Variants in TOX observed in about 807,000 individuals in gnomAD.
The protein encoded by TOX is thymocyte selection associated high mobility group box.
TOX carries 11 observed loss-of-function variants against 53.7 expected under a neutral mutation model. The ratio of observed to expected loss-of-function variants is 0.20; its 90% CI spans 0.13 to 0.34. The LOEUF is 0.34. Among genes scored for constraint, TOX ranks in the 10% least tolerant of loss-of-function variants. The pLI is 1.00. For synonymous variants in TOX, 225 were observed against 245.3 expected, an observed-to-expected ratio of 0.92 and a Z score of 0.77; for missense variants, 570 against 664.6, an observed-to-expected ratio of 0.86 and a Z score of 1.56.
chr8:58,906,792 C>A (rs1453220448), intron 3 of TOX, among the ~76,000 whole-genome samples: 1 of 152,092 alleles, frequency 6.6e-6, no homozygotes, highest in African/African-American at 2.4e-5. Flanking sequence ...ATTAGCCAGG[C>A]TTGTTTGCTT....
chr8:58,912,395 T>C (rs1022898570), intron 3 of TOX, among the ~76,000 whole-genome samples: 1 of 152,198 alleles, frequency 6.6e-6, no homozygotes, highest in African/African-American at 2.4e-5. Context: ...TGATTCTTTG[T>C]CTGGGTTTAC....
chr8:58,927,115 C>T (rs1812176335), intron 3 of TOX, among the ~76,000 whole-genome samples: 1 of 151,820 alleles, frequency 6.6e-6, no homozygotes, highest in African/African-American at 2.4e-5. Context: ...GTCAAAGTCA[C>T]CCAGCCAGGA....
chr8:58,880,735 T>C (rs1315468052), intron 3 of TOX, among the ~76,000 whole-genome samples: 1 of 152,222 alleles, frequency 6.6e-6, no homozygotes. Context: ...AAGATTGTCT[T>C]TGAAGCTTAT....
chr8:59,112,852 A>G (rs933515900), intron 1 of TOX, among the ~76,000 whole-genome samples: 1 of 152,202 alleles, frequency 6.6e-6, no homozygotes, highest in Non-Finnish European at 1.5e-5. Context: ...ATTTGGATGT[A>G]CACAATATGT....
intron 1 of TOX, among the ~76,000 whole-genome samples, chr8:59,013,399 AC>A (rs1813947218): frequency 7.2e-6 from 1 of 138,016 alleles, no homozygotes; most frequent in Non-Finnish European, 1.5e-5. Context: ...TTAAGTTCCA[AC>A]TATCAGATAG....
At chr8:58,928,043 G>T (rs1313942650) in intron 3 of TOX, among the ~76,000 whole-genome samples, 1 of 152,198 alleles carries the variant, frequency 6.6e-6, no homozygotes, top group Non-Finnish European at 1.5e-5. Flanking sequence ...CCATATTTGA[G>T]AATTTGATCT....
chr8:58,877,436 G>T (rs1811304668), intron 3 of TOX, among the ~76,000 whole-genome samples: 1 of 152,198 alleles, frequency 6.6e-6, no homozygotes, highest in Admixed American at 6.5e-5. Context: ...GCACAAAATT[G>T]TGCTTCCTCA....
chr8:59,103,706 C>T (rs1804848524), intron 1 of TOX, among the ~76,000 whole-genome samples: 1 of 152,102 alleles, frequency 6.6e-6, no homozygotes, highest in Non-Finnish European at 1.5e-5. Context: ...TATGAGATAC[C>T]TTCAAAAACG....
In TOX at chr8:58,998,513, A is replaced by ACT. The variant is rs1563413309; in HGVS notation, c.103-38506_103-38505insAG. On this transcript the variant is annotated intron_variant, in intron 1 of 8. Transcript: ENST00000361421. ...CAAAAGTATATATATATATATATAT[A>ACT]TATATATATATATATATATATATAT... 1.2e-4 allele frequency among the ~76,000 whole-genome samples: 6 copies of ACT among 50,880 alleles called. No homozygotes were observed. The East Asian group carries it at 3.0e-3, about 26-fold the overall frequency. 33.4% of individuals were successfully genotyped at this position (50,880 alleles called of 152,430 possible). A position where few individuals can be genotyped will look rare whatever the true frequency, so the allele number is the denominator to read the frequency against.
At chr8:58,905,181 T>C (rs946900544) in intron 3 of TOX, among the ~76,000 whole-genome samples, 1 of 152,228 alleles carries the variant, frequency 6.6e-6, no homozygotes, top group Non-Finnish European at 1.5e-5. Flanking sequence ...TCTACCCGCT[T>C]TGGCCTCCAA....
chr8:58,935,142 C>T (rs1031607068), intron 3 of TOX, among the ~76,000 whole-genome samples: 5 of 151,990 alleles, frequency 3.3e-5, no homozygotes, highest in African/African-American at 9.7e-5. Context: ...GAGAATATAT[C>T]TAAAAACAAA....
intron 2 of TOX, among the ~76,000 whole-genome samples, chr8:58,954,456 G>C (rs1042235740): frequency 6.6e-6 from 1 of 152,172 alleles, no homozygotes; most frequent in African/African-American, 2.4e-5. Context: ...AGGCACAGGA[G>C]AGCCAGACAG....
intron 1 of TOX, among the ~76,000 whole-genome samples, chr8:59,059,378 A>G (rs1272167700): frequency 1.3e-5 from 2 of 152,224 alleles, no homozygotes; most frequent in Non-Finnish European, 2.9e-5. Context: ...GAAGAAAATA[A>G]TTTAATTGGA....
intron 3 of TOX, among the ~76,000 whole-genome samples, chr8:58,879,541 C>T (rs1022726637): frequency 7.5e-6 from 1 of 132,618 alleles, no homozygotes; most frequent in Non-Finnish European, 1.6e-5. Context: ...GTTATTACGT[C>T]AAACAAATAT....
At chr8:58,857,890 C>A (rs958134381) in intron 3 of TOX, among the ~76,000 whole-genome samples, 5 of 152,104 alleles carry the variant, frequency 3.3e-5, no homozygotes, top group African/African-American at 1.2e-4. Flanking sequence ...CTGCCTCAGC[C>A]TCCTGAGTAG....
intron 7 of TOX, among the ~76,000 whole-genome samples, chr8:58,808,713 C>A (rs750958068): frequency 6.6e-6 from 1 of 152,224 alleles, no homozygotes; most frequent in Non-Finnish European, 1.5e-5. Context: ...TATTAGACTA[C>A]ACCTATTCAC....
At chr8:58,872,871 G>C (rs1435339302) in intron 3 of TOX, among the ~76,000 whole-genome samples, 1 of 152,118 alleles carries the variant, frequency 6.6e-6, no homozygotes, top group Non-Finnish European at 1.5e-5. Context: ...ACTTTAGACA[G>C]TAAGAAGCTA....
At chr8:59,076,133 C>T (rs1283208834) in intron 1 of TOX, among the ~76,000 whole-genome samples, 15 of 152,108 alleles carry the variant, frequency 9.9e-5, no homozygotes, top group Non-Finnish European at 1.6e-4. Flanking sequence ...ACCTCCACTG[C>T]GCAGTACACA....
chr8:59,103,056 G>C (rs1034092272), intron 1 of TOX, among the ~76,000 whole-genome samples: 2 of 152,130 alleles, frequency 1.3e-5, no homozygotes, highest in African/African-American at 4.8e-5. Context: ...AAATAACAGA[G>C]GGATTTTTCT....
Sources: allele counts gnomAD v4.1 joint callset (sites outside exome capture counted in the v4.1 genomes callset), GRCh38; gene constraint gnomAD v4.1.1; transcripts MANE v1.5; gene names NCBI Gene and HGNC (gene_info 2026-07-23, HGNC 2026-07-21).